MYL11: variants seen among roughly 807,000 people sequenced by gnomAD.
MYL11 encodes myosin regulatory light chain 11.
At chr16:30,374,837 T>C in the MYL11 span, 1 of 1,613,456 alleles carries the variant, frequency 6.2e-7, no homozygotes, top group South Asian at 1.1e-5. Context: ...GCCGCTGCCT[T>C]GCCCCCCGGA....
At chr16:30,376,645 C>T in the MYL11 span, 214 of 1,614,068 alleles carry the variant, frequency 1.3e-4, 5 homozygotes, top group South Asian at 1.8e-3. Context: ...ATGTGATCAC[C>T]GGAGCCTTCA....
chr16:30,372,204 T>C, the MYL11 span: 2 of 152,492 alleles, frequency 1.3e-5, no homozygotes, highest in Admixed American at 1.3e-4. Context: ...TGGACCCCCG[T>C]GGTAACCCTA....
At chr16:30,373,520 C>T in the MYL11 span, among the ~76,000 whole-genome samples, 2 of 151,488 alleles carry the variant, frequency 1.3e-5, no homozygotes, top group Non-Finnish European at 2.9e-5. Context: ...CACTTGAACC[C>T]GGGAGGCGGA....
the MYL11 span, among the ~76,000 whole-genome samples, chr16:30,373,526 G>A: frequency 1.3e-5 from 2 of 151,968 alleles, no homozygotes; most frequent in South Asian, 4.1e-4. Context: ...AACCCGGGAG[G>A]CGGAGGTTAC....
the MYL11 span, chr16:30,377,972 T>A: frequency 6.9e-7 from 1 of 1,444,104 alleles, no homozygotes; most frequent in Non-Finnish European, 9.6e-7. Context: ...CAATAAAATT[T>A]AACTGATCTT....
chr16:30,376,840 G>A, the MYL11 span: 27 of 801,196 alleles, frequency 3.4e-5, no homozygotes, highest in Non-Finnish European at 3.8e-5. Context: ...GCAGAGGCAG[G>A]AGGATTTACT....
chr16:30,371,391 C>G, the MYL11 span, among the ~76,000 whole-genome samples: 1 of 152,186 alleles, frequency 6.6e-6, no homozygotes, highest in Admixed American at 6.5e-5. Context: ...GATCCAGTGC[C>G]CTGACCCAGT....
the MYL11 span, chr16:30,370,993 T>C: frequency 1.3e-5 from 2 of 152,234 alleles, no homozygotes; most frequent in Non-Finnish European, 2.9e-5. Flanking sequence ...ATTCTTTAGG[T>C]CTCCCAAAAT....
At chr16:30,371,068 C>T in the MYL11 span, 2 of 152,228 alleles carry the variant, frequency 1.3e-5, no homozygotes, top group Non-Finnish European at 2.9e-5. Flanking sequence ...CCCCGTCAGC[C>T]AATGATCGTG....
the MYL11 span, among the ~76,000 whole-genome samples, chr16:30,374,367 G>C: frequency 6.6e-6 from 1 of 151,126 alleles, no homozygotes; most frequent in East Asian, 1.9e-4. Context: ...GGCTGGTCCT[G>C]AACTCCTGGC....
the MYL11 span, among the ~76,000 whole-genome samples, chr16:30,373,485 A>G: frequency 2.0e-5 from 3 of 152,034 alleles, no homozygotes; most frequent in South Asian, 6.2e-4. Flanking sequence ...AGTCCCAGCT[A>G]CTCGGGAGGC....
At chr16:30,377,659 A>C in the MYL11 span, 1 of 1,519,606 alleles carries the variant, frequency 6.6e-7, no homozygotes, top group African/African-American at 1.4e-5. Flanking sequence ...TCCAGCCTGG[A>C]GGAGCTGCTG....
chr16:30,374,313 TAAA>T, the MYL11 span, among the ~76,000 whole-genome samples: 1 of 132,088 alleles, frequency 7.6e-6, no homozygotes, highest in African/African-American at 2.8e-5. Flanking sequence ...CGAGACTGTC[TAAA>T]AAAAAAAAAA....
At chr16:30,376,179 T>C in the MYL11 span, 1 of 1,614,026 alleles carries the variant, frequency 6.2e-7, no homozygotes, top group Non-Finnish European at 8.5e-7. Context: ...CGTGATGGTA[T>C]TATAGACAAG....
the MYL11 span, chr16:30,375,921 G>C: frequency 2.5e-6 from 4 of 1,613,298 alleles, no homozygotes; most frequent in Non-Finnish European, 3.4e-6. Context: ...AGGTGGGTGA[G>C]GGGACGGGGA....
At chr16:30,376,823 T>C in the MYL11 span, 4 of 926,112 alleles carry the variant, frequency 4.3e-6, no homozygotes, top group Non-Finnish European at 5.0e-6. Context: ...TCCCAGTGCT[T>C]TGGGAGGCAG....
chr16:30,375,955 G>A, the MYL11 span: 1 of 1,589,126 alleles, frequency 6.3e-7, no homozygotes, highest in African/African-American at 1.3e-5. Context: ...ACCAAAAGCA[G>A]CCCTGCTGGC....
chr16:30,377,743 TG>T, the MYL11 span: 1 of 1,583,076 alleles, frequency 6.3e-7, no homozygotes, highest in Non-Finnish European at 8.6e-7. Flanking sequence ...GCAAAGGGGC[TG>T]GGGCCGGGGA....
At chr16:30,376,087 A>G in the MYL11 span, 3 of 1,572,436 alleles carry the variant, frequency 1.9e-6, no homozygotes, top group Non-Finnish European at 1.7e-6. Context: ...CTCCTGGGGT[A>G]GGGATGCTGA....
Sources: allele counts gnomAD v4.1 joint callset (sites outside exome capture counted in the v4.1 genomes callset), GRCh38; gene constraint gnomAD v4.1.1; transcripts MANE v1.5; gene names NCBI Gene and HGNC (gene_info 2026-07-23, HGNC 2026-07-21).